Variants in RASGRF2 observed in about 807,000 individuals in gnomAD.
RASGRF2 encodes the protein Ras protein specific guanine nucleotide releasing factor 2, also known as ras-specific guanine nucleotide-releasing factor 2.
RASGRF2 carries 76 observed loss-of-function variants against 151.0 expected under a neutral mutation model. That is an observed-to-expected ratio of 0.50 (90% confidence interval 0.42 to 0.61). The LOEUF (loss-of-function observed/expected upper bound fraction) is 0.61, where lower values mean the gene tolerates loss of function less well. Ranked by LOEUF, RASGRF2 falls within the 20% of genes least tolerant of loss-of-function variation. The pLI is 0.00. For missense variants in RASGRF2, 1,148 were observed against 1,564.6 expected (o/e 0.73, Z 4.49); for synonymous variants, 504 against 566.5 (o/e 0.89, Z 1.57).
At chr5:81,004,907 C>T (rs1749214496) in intron 1 of RASGRF2, among the ~76,000 whole-genome samples, 1 of 152,134 alleles carries the variant, frequency 6.6e-6, no homozygotes, top group Non-Finnish European at 1.5e-5. Context: ...GAGTGCAGTA[C>T]ACGTTGATAT....
chr5:81,202,537 G>A (rs540914994), intron 19 of RASGRF2, among the ~76,000 whole-genome samples: 4 of 152,318 alleles, frequency 2.6e-5, no homozygotes, highest in African/African-American at 9.6e-5. Context: ...CCCATAGCCA[G>A]ACCGTTCTTT....
intron 23 of RASGRF2, among the ~76,000 whole-genome samples, chr5:81,214,461 A>T (rs1315923400): frequency 6.6e-6 from 1 of 152,226 alleles, no homozygotes; most frequent in Non-Finnish European, 1.5e-5. Flanking sequence ...ATCTGAGATC[A>T]GCCGGGGAGT....
chr5:81,202,699 A>AG (rs1427406679), intron 19 of RASGRF2, among the ~76,000 whole-genome samples: 1 of 152,192 alleles, frequency 6.6e-6, no homozygotes, highest in Non-Finnish European at 1.5e-5. Context: ...AGTAGGGTGG[A>AG]GGTATTGGAG....
At chr5:81,127,358 T>C (rs1753485642) in intron 17 of RASGRF2, among the ~76,000 whole-genome samples, 195 bp downstream of exon 17, 1 of 152,030 alleles carries the variant, frequency 6.6e-6, no homozygotes, top group Non-Finnish European at 1.5e-5. Context: ...CCCATCTCTA[T>C]AAAAAATTTT....
intron 1 of RASGRF2, among the ~76,000 whole-genome samples, chr5:80,984,319 C>T (rs953628978): frequency 6.6e-6 from 1 of 152,194 alleles, no homozygotes; most frequent in Non-Finnish European, 1.5e-5. Flanking sequence ...CTCCCAGGTG[C>T]TGGGATTATA....
At chr5:80,973,489 T>C (rs1294886128) in intron 1 of RASGRF2, among the ~76,000 whole-genome samples, 1 of 152,216 alleles carries the variant, frequency 6.6e-6, no homozygotes, top group South Asian at 2.1e-4. Flanking sequence ...CCTAGATGTT[T>C]TGTCTGGAAG....
Position 81,212,556 on chromosome 5 carries a change from C to A in RASGRF2, c.3347C>A (p.Ser1116Tyr). 1 of 1,609,910 alleles carries A rather than the reference C, an allele frequency of 6.2e-7. No individual in the cohort carries two copies. The highest frequency in any genetic ancestry group is 2.2e-5 in the East Asian group (1 of 44,802). ...CTGAAGAAAACCTGGGCCAAGGTCT[C>A]TAAGCAGGTGAGCCTCAGCGTGTGA... ...YRLKKTWAKV[S>Y]KQTKALMDKL... Residue 1116 changes from serine to tyrosine, a missense_variant, in exon 23 of 27, where the codon TCT (serine) becomes TAT (tyrosine). Physicochemically the swap from Ser to Tyr is moderately radical, Grantham distance 144. Coordinates refer to ENST00000265080, the MANE Select transcript of RASGRF2 (RefSeq NM_006909.3).
intron 1 of RASGRF2, among the ~76,000 whole-genome samples, chr5:81,038,705 A>T (rs1381396878): frequency 6.6e-6 from 1 of 150,910 alleles, no homozygotes; most frequent in Non-Finnish European, 1.5e-5. Context: ...CCTCCCAGGC[A>T]GCTGAGACCA....
intron 1 of RASGRF2, among the ~76,000 whole-genome samples, chr5:81,022,210 T>G (rs1186982225): frequency 2.6e-5 from 4 of 152,134 alleles, no homozygotes; most frequent in Non-Finnish European, 2.9e-5. Context: ...TAACTATGAT[T>G]CTGCCCAAAG....
chr5:81,013,255 C>T (rs1290629847), intron 1 of RASGRF2, among the ~76,000 whole-genome samples: 1 of 152,218 alleles, frequency 6.6e-6, no homozygotes, highest in Non-Finnish European at 1.5e-5. Context: ...TTCCTTGGAA[C>T]TTCCCTTCAC....
intron 1 of RASGRF2, among the ~76,000 whole-genome samples, chr5:81,025,511 A>G (rs1244917298): frequency 6.6e-6 from 1 of 152,180 alleles, no homozygotes; most frequent in Non-Finnish European, 1.5e-5. Context: ...GAAGAAATTT[A>G]TGATCTCCAA....
chr5:81,227,293 T>C lies in RASGRF2; in HGVS notation c.*1523T>C, dbSNP rs1053714085. 4.6e-5 allele frequency: 7 copies of C among 152,234 alleles called. No homozygotes were observed. Among genetic ancestry groups the C allele is most frequent in the Non-Finnish European group, 8.8e-5 (6 of 68,048 alleles). The allele number at this position is 152,234 out of a possible 1,614,324, so 9.4% of individuals were successfully genotyped here. On this transcript the variant is annotated 3_prime_UTR_variant, in exon 27 of 27. Transcript: ENST00000265080. Reference sequence around the variant, plus strand: ...TAGCATTGGTAATGCACCATAGAGGTAGAGAATGTACACTTTCTGCACGGT... The same window carrying C: ...TAGCATTGGTAATGCACCATAGAGGCAGAGAATGTACACTTTCTGCACGGT...
chr5:81,152,852 T>C (rs912259495), intron 17 of RASGRF2, among the ~76,000 whole-genome samples: 1 of 152,190 alleles, frequency 6.6e-6, no homozygotes, highest in Non-Finnish European at 1.5e-5. Flanking sequence ...TCCTTTAGTA[T>C]GGGCAAAGTA....
chr5:81,154,988 AG>A (rs1754227301), intron 17 of RASGRF2, among the ~76,000 whole-genome samples: 1 of 152,130 alleles, frequency 6.6e-6, no homozygotes, highest in African/African-American at 2.4e-5. Context: ...AACTGGGGTG[AG>A]GTGATATCTC....
intron 3 of RASGRF2, among the ~76,000 whole-genome samples, chr5:81,069,545 T>C (rs1324036906): frequency 2.0e-5 from 3 of 152,256 alleles, no homozygotes; most frequent in African/African-American, 7.2e-5. Context: ...TGTGTGTTTA[T>C]CTGCCTTCAC....
intron 23 of RASGRF2, among the ~76,000 whole-genome samples, chr5:81,214,980 C>G (rs1347410752): frequency 1.3e-5 from 2 of 152,224 alleles, no homozygotes; most frequent in South Asian, 2.1e-4. Context: ...GTGCTTTAGT[C>G]ATTTGGAGAT....
At chr5:80,984,743 T>C (rs1748423968) in intron 1 of RASGRF2, among the ~76,000 whole-genome samples, 1 of 152,172 alleles carries the variant, frequency 6.6e-6, no homozygotes, top group Admixed American at 6.5e-5. Flanking sequence ...AATGTTGTCA[T>C]TAATAATGAA....
At chr5:81,124,899 TG>T (rs1252926115) in intron 16 of RASGRF2, among the ~76,000 whole-genome samples, 2 of 148,926 alleles carry the variant, frequency 1.3e-5, no homozygotes, top group East Asian at 3.9e-4. Flanking sequence ...CTTTTTTTTT[TG>T]GTTTGGAGAC....
intron 17 of RASGRF2, among the ~76,000 whole-genome samples, chr5:81,148,075 A>G (rs1041107565): frequency 6.6e-6 from 1 of 152,182 alleles, no homozygotes; most frequent in African/African-American, 2.4e-5. Context: ...TTTCTGTACT[A>G]GCATTATGGA....
Sources: gnomAD v4.1 joint callset for allele counts (sites outside exome capture counted in the v4.1 genomes callset) on GRCh38, gnomAD v4.1.1 for gene constraint, MANE v1.5 for transcripts, NCBI Gene and HGNC (gene_info 2026-07-23, HGNC 2026-07-21) for gene names.